AP1G1: variants seen among roughly 807,000 people sequenced by gnomAD.
AP1G1 encodes the protein adaptor related protein complex 1 subunit gamma 1.
AP1G1 carries 7 observed loss-of-function variants against 108.3 expected under a neutral mutation model. That is an observed-to-expected ratio of 0.06 (90% confidence interval 0.04 to 0.12). AP1G1 has a LOEUF of 0.12. Ranked by LOEUF, AP1G1 falls within the 10% of genes least tolerant of loss-of-function variation. AP1G1 has a pLI of 1.00. For synonymous variants in AP1G1, 379 were observed against 353.5 expected (o/e 1.07, Z -0.81); for missense variants, 756 against 1,010.7 (o/e 0.75, Z 3.42).
chr16:71,786,674 T>C (rs906513563), intron 2 of AP1G1, among the ~76,000 whole-genome samples: 2 of 152,106 alleles, frequency 1.3e-5, no homozygotes, highest in African/African-American at 4.8e-5. Context: ...TTGGCCAGGA[T>C]AGCCTCTATC....
intron 19 of AP1G1, chr16:71,742,455 T>C (rs568082261): frequency 1.2e-4 from 18 of 152,212 alleles, no homozygotes; most frequent in Middle Eastern, 3.4e-3. Flanking sequence ...AACATATAAA[T>C]TGAGGAAAAG....
chr16:71,777,221 G>T (rs1017163700), intron 2 of AP1G1, among the ~76,000 whole-genome samples: 1 of 151,386 alleles, frequency 6.6e-6, no homozygotes, highest in Admixed American at 6.6e-5. Context: ...TCTTAGAGGA[G>T]GGGATCTGAG....
intron 19 of AP1G1, among the ~76,000 whole-genome samples, chr16:71,740,196 G>A (rs62053158): frequency 0.029 from 4,474 of 152,288 alleles, 120 homozygotes; most frequent in Non-Finnish European, 0.042. Flanking sequence ...TCTCAACCTT[G>A]ACAGTAATAG....
rs1426093724 is a variant in AP1G1 at position 71,746,680 on chromosome 16, T to C, written c.1638A>G (p.Lys546=). 1 of 1,611,420 alleles carries C rather than the reference T, an allele frequency of 6.2e-7. No individual in the cohort carries two copies. ...TGCTGCTTCCGTAGATGGAAACCAC[T>C]TTCTTAATTCGGCTATAGATAAAAT... ...RFTCTVNRIK[K]VVSIYGSSID... The change falls in exon 17 of 23, where the codon AAA becomes AAG. Residue 546 remains lysine, a synonymous_variant. Transcript: ENST00000299980.
Position 71,808,800 on chromosome 16 carries a change from G to A in AP1G1, c.-41C>T, listed in dbSNP as rs1233983391. On this transcript the variant is annotated 5_prime_UTR_variant, in exon 1 of 23. Transcript: ENST00000299980. ...TCGAATGAAACCAGCAGCTCCGGGG[G>A]CGGCGGCAGCAGTGGCAGCAGGAAC... 1.2e-5 allele frequency: 16 copies of A among 1,289,634 alleles called. No homozygotes were observed. Among genetic ancestry groups the A allele is most frequent in the Non-Finnish European group, 1.5e-5 (15 of 988,816 alleles). 79.9% of individuals were successfully genotyped at this position (1,289,634 alleles called of 1,614,324 possible).
chr16:71,756,740 G>C (rs1043906671), intron 11 of AP1G1, among the ~76,000 whole-genome samples: 3 of 152,044 alleles, frequency 2.0e-5, no homozygotes, highest in Non-Finnish European at 4.4e-5. Flanking sequence ...TCAGGAGTTT[G>C]AGACCAGCAT....
intron 2 of AP1G1, among the ~76,000 whole-genome samples, chr16:71,780,159 A>G (rs2031956799): frequency 6.6e-6 from 1 of 151,614 alleles, no homozygotes; most frequent in Non-Finnish European, 1.5e-5. Flanking sequence ...ATATCCGGCT[A>G]ATTTTTGTAT....
intron 19 of AP1G1, among the ~76,000 whole-genome samples, chr16:71,744,037 G>C (rs903918243): frequency 6.6e-6 from 1 of 151,790 alleles, no homozygotes; most frequent in African/African-American, 2.4e-5. Context: ...GAGGTCAGGA[G>C]TTCAGGACCA....
At position 71,734,719 on chromosome 16, in the gene AP1G1, C is replaced by A. The variant is rs745725500; in HGVS notation, c.2269-12G>T. Reference sequence around the variant, plus strand: ...TGCAGCTGGAATGTCTAGGGGGGAACAAAGGGCACTCTTCAGAAAAAGAAT... The same window carrying A: ...TGCAGCTGGAATGTCTAGGGGGGAAAAAAGGGCACTCTTCAGAAAAAGAAT... On this transcript the variant is annotated splice_polypyrimidine_tract_variant and intron_variant, in intron 21 of 22. Coordinates refer to ENST00000299980, the MANE Select transcript of AP1G1 (RefSeq NM_001128.6). 5 of 1,602,356 alleles carry A rather than the reference C, an allele frequency of 3.1e-6. No homozygotes were observed. The South Asian group carries it at 5.5e-5, about 18-fold the overall frequency.
At chr16:71,733,397 T>A (rs1011724674) in intron 22 of AP1G1, among the ~76,000 whole-genome samples, 5 of 152,204 alleles carry the variant, frequency 3.3e-5, no homozygotes, top group Non-Finnish European at 7.3e-5. Flanking sequence ...TTAGCTTTAA[T>A]CCTTGAACTG....
intron 1 of AP1G1, among the ~76,000 whole-genome samples, chr16:71,796,437 G>A (rs375925714): frequency 2.6e-5 from 4 of 152,074 alleles, no homozygotes; most frequent in South Asian, 2.1e-4. Context: ...TTCCTTAAGC[G>A]CCTCAACTCC....
rs542653858 is a variant in AP1G1, at chr16:71,798,093, A to G, written c.-3-8611T>C. ...ACGAAATCTATAAAATATTTGTTGA[A>G]AGACCTAAAATAAACTTGAACAAAC... On this transcript the variant is annotated intron_variant, in intron 1 of 22. Coordinates refer to ENST00000299980, the MANE Select transcript of AP1G1 (RefSeq NM_001128.6). 5.9e-5 allele frequency among the ~76,000 whole-genome samples: 9 copies of G among 152,348 alleles called. 1 individual carries two copies. The highest frequency in any genetic ancestry group is 2.2e-4 in the African/African-American group (9 of 41,584).
intron 3 of AP1G1, among the ~76,000 whole-genome samples, chr16:71,773,898 G>A (rs1036610915): frequency 7.0e-6 from 1 of 143,786 alleles, no homozygotes; most frequent in Non-Finnish European, 1.5e-5. Flanking sequence ...AAGTAGCTGG[G>A]ACTACAGGCG....
At chr16:71,791,354 G>A (rs1368665255) in intron 1 of AP1G1, among the ~76,000 whole-genome samples, 1 of 151,830 alleles carries the variant, frequency 6.6e-6, no homozygotes, top group African/African-American at 2.4e-5. Context: ...AAAAGCCCTT[G>A]AACTAAACAA....
intron 13 of AP1G1, chr16:71,750,573 C>T (rs1178001615): frequency 7.9e-6 from 3 of 378,090 alleles, no homozygotes; most frequent in Non-Finnish European, 1.5e-5. Flanking sequence ...TGCCACCACA[C>T]CTGGCTAATT....
intron 19 of AP1G1, among the ~76,000 whole-genome samples, chr16:71,739,911 C>G (rs1371373997): frequency 1.3e-5 from 2 of 152,004 alleles, no homozygotes; most frequent in African/African-American, 4.8e-5. Context: ...ACGCAAGTCA[C>G]AAAAGAGGAA....
intron 1 of AP1G1, among the ~76,000 whole-genome samples, chr16:71,792,674 C>A (rs1160835780): frequency 6.6e-6 from 1 of 151,894 alleles, no homozygotes. Flanking sequence ...GCCAACATGG[C>A]AAAACCCCGT....
chr16:71,733,072 G>C lies in AP1G1; in HGVS notation c.2455C>G (p.Gln819Glu), dbSNP rs1207987091. ...GTGCCAAACCCTCATTGCCAGGACT[G>C]AGGGGGAAAGTTGTTCACCTCTGCT... ...DLAEVNNFPPQSWQ is the reference protein window; with the variant it reads ...DLAEVNNFPPESWQ Residue 819 changes from glutamine (Q) to glutamate (E), a missense_variant, in exon 23 of 23, where the codon CAG (glutamine) becomes GAG (glutamate). Around this residue, in one of 3 missense-constraint regions of AP1G1, gnomAD observed 95 missense variants for 160.5 expected, o/e 0.59. Coordinates refer to ENST00000299980, the MANE Select transcript of AP1G1 (RefSeq NM_001128.6). The C allele has an allele frequency of 1.2e-6, 2 of 1,613,424 alleles. No individual in the cohort carries two copies. Among genetic ancestry groups the C allele is most frequent in the South Asian group, 2.2e-5 (2 of 91,056 alleles).
chr16:71,769,549 G>T, intron 6 of AP1G1, 74 bp downstream of exon 6: 2 of 1,394,314 alleles, frequency 1.4e-6, no homozygotes, highest in Non-Finnish European at 2.0e-6. Flanking sequence ...AAAAAAATAA[G>T]AAGAAAATCA....
Sources: allele counts gnomAD v4.1 joint callset (sites outside exome capture counted in the v4.1 genomes callset), GRCh38; gene constraint gnomAD v4.1.1; regional missense constraint gnomAD v4.1.1; transcripts MANE v1.5; gene names NCBI Gene and HGNC (gene_info 2026-07-23, HGNC 2026-07-21).